The following FBXW7 variants were observed in gnomAD, a reference collection of about 807,000 sequenced individuals.
FBXW7 encodes F-box and WD repeat domain containing 7, also known as F-box/WD repeat-containing protein 7.
FBXW7 carries 11 observed loss-of-function variants against 86.3 expected under a neutral mutation model. The observed-to-expected ratio is 0.13, with a 90% CI of 0.08 to 0.21. The LOEUF is 0.21. Among genes scored for constraint, FBXW7 ranks in the 10% least tolerant of loss-of-function variants. The pLI is 1.00. For missense variants in FBXW7, 488 were observed against 847.4 expected (o/e 0.58, Z 5.27); for synonymous variants, 313 against 297.9 (o/e 1.05, Z -0.52).
chr4:152,391,275 G>T (rs1735973096), intron 4 of FBXW7, among the ~76,000 whole-genome samples: 1 of 152,120 alleles, frequency 6.6e-6, no homozygotes, highest in South Asian at 2.1e-4. Context: ...TTCTTGGACG[G>T]GCTGACAGTT....
intron 2 of FBXW7, among the ~76,000 whole-genome samples, chr4:152,506,246 C>G (rs1437790927): frequency 6.6e-6 from 1 of 152,154 alleles, no homozygotes; most frequent in East Asian, 1.9e-4. Flanking sequence ...ATTCTCCTGC[C>G]TCAGCCTCCT....
At chr4:152,413,840 C>T (rs35049242) in intron 2 of FBXW7, among the ~76,000 whole-genome samples, 147 of 152,234 alleles carry the variant, frequency 9.7e-4, no homozygotes, top group African/African-American at 3.3e-3. Context: ...CACAACTCTG[C>T]ATGCATGCAT....
chr4:152,456,944 A>G (rs980427067), intron 2 of FBXW7, among the ~76,000 whole-genome samples: 5 of 152,224 alleles, frequency 3.3e-5, no homozygotes, highest in African/African-American at 1.2e-4. Flanking sequence ...ATAGTCAATA[A>G]CTGTTAATAA....
intron 2 of FBXW7, among the ~76,000 whole-genome samples, chr4:152,525,129 C>T (rs889208505): frequency 2.0e-5 from 3 of 152,038 alleles, no homozygotes; most frequent in Non-Finnish European, 4.4e-5. Context: ...CAAATCGTTA[C>T]CAATAAAGAA....
chr4:152,371,663 C>T (rs1008540400), intron 4 of FBXW7, among the ~76,000 whole-genome samples: 6 of 152,004 alleles, frequency 3.9e-5, no homozygotes, highest in African/African-American at 9.7e-5. Flanking sequence ...TGATGACACA[C>T]TGTATGTTGG....
intron 2 of FBXW7, among the ~76,000 whole-genome samples, chr4:152,480,353 T>A (rs1396616118): frequency 1.4e-5 from 2 of 147,996 alleles, no homozygotes; most frequent in African/African-American, 4.9e-5. Context: ...AAATGTTGCA[T>A]GTGTTCTGAC....
chr4:152,525,271 G>C (rs1749406413), intron 2 of FBXW7, among the ~76,000 whole-genome samples: 1 of 152,128 alleles, frequency 6.6e-6, no homozygotes, highest in Non-Finnish European at 1.5e-5. Context: ...CTTAAAAGGA[G>C]AAGTCACAGC....
intron 2 of FBXW7, among the ~76,000 whole-genome samples, chr4:152,516,798 T>C (rs768782397): frequency 6.6e-6 from 1 of 152,204 alleles, no homozygotes; most frequent in African/African-American, 2.4e-5. Context: ...ACACAAACAA[T>C]ACTGTAAACT....
At chr4:152,370,134 G>A (rs1733880463) in intron 4 of FBXW7, among the ~76,000 whole-genome samples, 1 of 151,926 alleles carries the variant, frequency 6.6e-6, no homozygotes, top group East Asian at 1.9e-4. Context: ...AAGTGATAAC[G>A]CAGAGATTTC....
At position 152,514,885 on chromosome 4, in the gene FBXW7, C is replaced by CG. The variant is rs374601555; in HGVS notation, c.-120+20055dup. 4.1e-4 allele frequency among the ~76,000 whole-genome samples: 63 copies of CG among 152,214 alleles called. 1 individual carries two copies. In the East Asian group the frequency reaches 0.01, roughly 25 times the overall value. On this transcript the variant is annotated intron_variant, in intron 2 of 13. Transcript: ENST00000281708. ...ACAGCAACACAAAAAGAGACTAGGA[C>CG]GGGGGTATGTGACAGGTGAAAAGCC... is the stretch of plus-strand genomic sequence containing the variant.
chr4:152,379,223 A>T (rs1734835359), intron 4 of FBXW7, among the ~76,000 whole-genome samples: 2 of 151,964 alleles, frequency 1.3e-5, no homozygotes, highest in Admixed American at 6.6e-5. Flanking sequence ...AATTTCAAAT[A>T]AAAAATAGTT....
At chr4:152,452,060 T>C (rs537139282) in intron 2 of FBXW7, among the ~76,000 whole-genome samples, 2 of 152,324 alleles carry the variant, frequency 1.3e-5, no homozygotes, top group African/African-American at 4.8e-5. Flanking sequence ...GTATAGAGCA[T>C]GTAATATCCT....
chr4:152,358,784 A>G (rs888121778), intron 4 of FBXW7, among the ~76,000 whole-genome samples: 4 of 152,210 alleles, frequency 2.6e-5, no homozygotes, highest in African/African-American at 9.7e-5. Context: ...CACTGTGAGG[A>G]AACAGAAAAT....
chr4:152,519,929 T>C (rs368970844), intron 2 of FBXW7, among the ~76,000 whole-genome samples: 1 of 152,216 alleles, frequency 6.6e-6, no homozygotes, highest in South Asian at 2.1e-4. Context: ...TCCTTTGCCA[T>C]AAAACATCAG....
chr4:152,363,974 T>C (rs987397355), intron 4 of FBXW7, among the ~76,000 whole-genome samples: 1 of 152,166 alleles, frequency 6.6e-6, no homozygotes, highest in Non-Finnish European at 1.5e-5. Flanking sequence ...GATGTTTTCT[T>C]AGTTATTTCA....
intron 2 of FBXW7, among the ~76,000 whole-genome samples, chr4:152,440,549 AG>A (rs1740797421): frequency 6.6e-6 from 1 of 152,222 alleles, no homozygotes; most frequent in Non-Finnish European, 1.5e-5. Context: ...AAAATATTTA[AG>A]TTTACCTGAA....
At chr4:152,392,076 A>C in intron 4 of FBXW7, among the ~76,000 whole-genome samples, 1 of 147,058 alleles carries the variant, frequency 6.8e-6, no homozygotes, top group East Asian at 1.9e-4. Flanking sequence ...CAAATTTAAA[A>C]AAAGAAACAG....
intron 4 of FBXW7, among the ~76,000 whole-genome samples, chr4:152,378,502 A>C (rs546652275): frequency 6.6e-6 from 1 of 152,284 alleles, no homozygotes; most frequent in East Asian, 1.9e-4. Context: ...TCTAAATACA[A>C]TATTTGTCTA....
intron 2 of FBXW7, among the ~76,000 whole-genome samples, chr4:152,419,855 T>TA (rs537296293): frequency 6.6e-6 from 1 of 152,172 alleles, no homozygotes; most frequent in Non-Finnish European, 1.5e-5. Context: ...CTATACTGCT[T>TA]AAAAAAATGC....
Sources: allele counts gnomAD v4.1 joint callset (sites outside exome capture counted in the v4.1 genomes callset), GRCh38; gene constraint gnomAD v4.1.1; transcripts MANE v1.5; gene names NCBI Gene and HGNC (gene_info 2026-07-23, HGNC 2026-07-21).